Variants in ENOX2 observed in about 807,000 individuals in gnomAD.
The protein encoded by ENOX2 is ecto-NOX disulfide-thiol exchanger 2, also known as APK1 antigen.
In ENOX2, 36 loss-of-function variants were observed where a neutral mutation model predicts 45.0. That is an observed-to-expected ratio of 0.80 (90% CI 0.61 to 1.06). ENOX2 has a LOEUF of 1.06. Among genes scored for constraint, ENOX2 ranks in the 50% least tolerant of loss-of-function variants. The pLI, the probability that ENOX2 is intolerant of heterozygous loss-of-function variation, is 0.00. For synonymous variants in ENOX2, 174 were observed against 152.3 expected, an observed-to-expected ratio of 1.14 and a Z score of -1.05; for missense variants, 423 against 462.5, an observed-to-expected ratio of 0.91 and a Z score of 0.78.
intron 4 of ENOX2, among the ~76,000 whole-genome samples, chrX:130,697,393 T>C (rs370493655): frequency 5.3e-5 from 6 of 112,606 alleles, no homozygotes; most frequent in African/African-American, 1.9e-4. Flanking sequence ...CTTCTGCCAC[T>C]GCAACTTGAG....
intron 3 of ENOX2, among the ~76,000 whole-genome samples, chrX:130,724,229 C>T (rs1311502535): frequency 4.5e-5 from 5 of 112,308 alleles, no homozygotes; most frequent in African/African-American, 1.6e-4. Context: ...TACTAGGGAT[C>T]CTCTGGTGAG....
intron 2 of ENOX2, among the ~76,000 whole-genome samples, chrX:130,898,736 C>CTTTTTTTTTT (rs58534541): frequency 9.4e-5 from 9 of 95,284 alleles, no homozygotes; most frequent in African/African-American, 1.9e-4. Context: ...TCTTTTTTTT[C>CTTTTTTTTTT]TTTTTTTTTT....
At chrX:130,863,606 G>A (rs908005019) in intron 2 of ENOX2, among the ~76,000 whole-genome samples, 1 of 112,149 alleles carries the variant, frequency 8.9e-6, no homozygotes, top group Non-Finnish European at 1.9e-5. Context: ...TAGACCTCAT[G>A]AAATTAATTT....
At chrX:130,737,886 T>G (rs189477809) in intron 3 of ENOX2, among the ~76,000 whole-genome samples, 69 of 111,460 alleles carry the variant, frequency 6.2e-4, no homozygotes, top group Middle Eastern at 4.7e-3. Flanking sequence ...AGGATAATGT[T>G]TCAAAGGTTC....
intron 9 of ENOX2, among the ~76,000 whole-genome samples, chrX:130,665,310 T>C (rs183742079): frequency 8.9e-6 from 1 of 112,285 alleles, no homozygotes; most frequent in East Asian, 2.8e-4. Flanking sequence ...CTAATATTAC[T>C]AACACTAGAA....
intron 2 of ENOX2, among the ~76,000 whole-genome samples, chrX:130,872,509 C>T (rs2078615212): frequency 8.9e-6 from 1 of 111,939 alleles, no homozygotes; most frequent in African/African-American, 3.2e-5. Flanking sequence ...TACCTTCATT[C>T]CTAACCTACC....
intron 3 of ENOX2, among the ~76,000 whole-genome samples, chrX:130,726,867 T>C (rs5977360): frequency 0.018 from 2,022 of 112,323 alleles, 45 homozygotes; most frequent in African/African-American, 0.062. Flanking sequence ...TTGTCATAAG[T>C]GAGAATGAGT....
At position 130,884,023 on chromosome X, in the gene ENOX2, C is replaced by T. The variant is rs1029200249; in HGVS notation, c.-183+17661G>A. Among the ~76,000 whole-genome samples, 10 of 112,103 alleles carry T rather than the reference C, an allele frequency of 8.9e-5. No individual in the cohort carries two copies. The East Asian group carries it at 2.5e-3, about 28-fold the overall frequency. ...GGATGTTAGCCAGAGCTTCCAACTA[C>T]GTAGGACATTTGCCACCTGAAACCA... is the stretch of plus-strand genomic sequence containing the variant. On this transcript the variant is annotated intron_variant, in intron 2 of 14. Coordinates refer to ENST00000394363, the MANE Select transcript of ENOX2 (RefSeq NM_006375.4).
chrX:130,781,947 C>T (rs905737271), intron 3 of ENOX2, among the ~76,000 whole-genome samples: 3 of 111,351 alleles, frequency 2.7e-5, no homozygotes, highest in African/African-American at 9.8e-5. Flanking sequence ...CAGCGTAGAA[C>T]AATTTAGTGT....
At chrX:130,804,599 C>T (rs778796332) in intron 2 of ENOX2, among the ~76,000 whole-genome samples, 14 of 111,508 alleles carry the variant, frequency 1.3e-4, no homozygotes, top group South Asian at 3.8e-4. Flanking sequence ...AAACTTTCTT[C>T]CTTCTCTTCC....
At chrX:130,807,947 C>A (rs1351766991) in intron 2 of ENOX2, among the ~76,000 whole-genome samples, 1 of 112,137 alleles carries the variant, frequency 8.9e-6, no homozygotes, top group Non-Finnish European at 1.9e-5. Flanking sequence ...TTATATGAAA[C>A]AATTCAAGCA....
intron 3 of ENOX2, among the ~76,000 whole-genome samples, chrX:130,777,937 T>G (rs1347726521): frequency 8.9e-6 from 1 of 112,271 alleles, no homozygotes; most frequent in Non-Finnish European, 1.9e-5. Context: ...GTCTACCCTT[T>G]TTCTTATTTT....
chrX:130,816,677 C>G (rs759985076), intron 2 of ENOX2, among the ~76,000 whole-genome samples: 1 of 111,435 alleles, frequency 9.0e-6, no homozygotes, highest in Non-Finnish European at 1.9e-5. Context: ...GGGTAAATAA[C>G]GAAATTAAGG....
intron 2 of ENOX2, among the ~76,000 whole-genome samples, chrX:130,884,599 G>C (rs1241594231): frequency 3.6e-5 from 4 of 111,742 alleles, no homozygotes; most frequent in Non-Finnish European, 5.6e-5. Flanking sequence ...TTGATGAATT[G>C]ATAATGTGGC....
At chrX:130,766,308 G>A (rs1484942883) in intron 3 of ENOX2, among the ~76,000 whole-genome samples, 1 of 111,338 alleles carries the variant, frequency 9.0e-6, no homozygotes, top group Non-Finnish European at 1.9e-5. Context: ...GACTGCTTAT[G>A]TTTTCTTAAT....
At chrX:130,678,069 A>G (rs1333388319) in intron 6 of ENOX2, among the ~76,000 whole-genome samples, 1 of 108,681 alleles carries the variant, frequency 9.2e-6, no homozygotes, top group Non-Finnish European at 1.9e-5. Context: ...CCTGGGCGAC[A>G]AGAGCAAGAC....
At position 130,765,952 on chromosome X, in the gene ENOX2, T is replaced by C. The variant is rs746726985; in HGVS notation, c.-39+17595A>G. Among the ~76,000 whole-genome samples, 5 of 111,438 alleles carry C rather than the reference T, an allele frequency of 4.5e-5. No homozygotes were observed. The East Asian group carries it at 1.1e-3, about 25-fold the overall frequency. On this transcript the variant is annotated intron_variant, in intron 3 of 14. Transcript: ENST00000394363. ...GGTTCCTCATCTGAACCACAGAACA[T>C]AGACAATTATTTGAGTGTCTATCTA... is the stretch of plus-strand genomic sequence containing the variant.
chrX:130,634,867 A>G, intron 12 of ENOX2, 117 bp downstream of exon 12: 1 of 442,040 alleles, frequency 2.3e-6, no homozygotes. Context: ...TTAATTCCCA[A>G]TCGGCCAAAA....
In ENOX2 at chrX:130,679,627, G is replaced by T; in HGVS notation, c.375C>A (p.Ile125=). Residue 125 remains isoleucine (I), a synonymous_variant, in exon 6 of 15, where the codon ATC becomes ATA. Transcript: ENST00000394363. ...IVEVFEQCGE[I]IAIRKSKKNF... is the part of the protein sequence containing the mutation. Reference sequence around the variant, plus strand: ...TCTTCTTGCTCTTGCGAATGGCAATGATCTCTCCACACTGCTCGAAAACTT... The same window carrying T: ...TCTTCTTGCTCTTGCGAATGGCAATTATCTCTCCACACTGCTCGAAAACTT... The T allele has an allele frequency of 2.5e-6, 3 of 1,210,555 alleles. No homozygotes were observed. In the South Asian group the frequency reaches 5.3e-5, roughly 21 times the overall value.
Sources: allele counts gnomAD v4.1 joint callset (sites outside exome capture counted in the v4.1 genomes callset), GRCh38; gene constraint gnomAD v4.1.1; transcripts MANE v1.5; gene names NCBI Gene and HGNC (gene_info 2026-07-23, HGNC 2026-07-21).